CHRM3: variants seen among roughly 807,000 people sequenced by gnomAD.
The protein encoded by CHRM3 is cholinergic receptor muscarinic 3, also known as muscarinic acetylcholine receptor M3.
CHRM3 carries 11 observed loss-of-function variants against 41.8 expected under a neutral mutation model. That is an observed-to-expected ratio of 0.26 (90% confidence interval 0.17 to 0.44). The LOEUF is 0.44. Ranked by LOEUF, CHRM3 falls within the 20% of genes least tolerant of loss-of-function variation. The pLI is 1.00. For synonymous variants in CHRM3, 297 were observed against 301.4 expected, an observed-to-expected ratio of 0.99 and a Z score of 0.15; for missense variants, 571 against 745.4, an observed-to-expected ratio of 0.77 and a Z score of 2.72.
chr1:239,777,605 TG>T (rs1355424022), intron 5 of CHRM3, among the ~76,000 whole-genome samples: 1 of 151,938 alleles, frequency 6.6e-6, no homozygotes, highest in African/African-American at 2.4e-5. Flanking sequence ...GAATTTGAGG[TG>T]GGGGGTGCAG....
intron 4 of CHRM3, among the ~76,000 whole-genome samples, chr1:239,654,983 A>T (rs2148985177): frequency 6.6e-6 from 1 of 152,338 alleles, no homozygotes; most frequent in Admixed American, 6.5e-5. Flanking sequence ...AATAAAAATA[A>T]TTCATCTGCT....
chr1:239,556,091 T>C (rs887045937), intron 3 of CHRM3, among the ~76,000 whole-genome samples: 4 of 152,234 alleles, frequency 2.6e-5, no homozygotes, highest in African/African-American at 9.6e-5. Flanking sequence ...CAATTCTTGC[T>C]GGAGGAAATG....
At chr1:239,642,524 C>T (rs994307262) in intron 4 of CHRM3, among the ~76,000 whole-genome samples, 1 of 152,090 alleles carries the variant, frequency 6.6e-6, no homozygotes, top group African/African-American at 2.4e-5. Context: ...TTTCATCTTC[C>T]ATCACTGATA....
At chr1:239,549,660 A>T (rs1659629400) in intron 3 of CHRM3, among the ~76,000 whole-genome samples, 1 of 122,652 alleles carries the variant, frequency 8.2e-6, no homozygotes, top group African/African-American at 3.8e-5. Flanking sequence ...GACTCCATCT[A>T]AAAAAAAAAA....
intron 2 of CHRM3, among the ~76,000 whole-genome samples, chr1:239,520,344 T>C (rs1173729154): frequency 6.6e-6 from 1 of 152,144 alleles, no homozygotes. Context: ...TGGTGGGAGA[T>C]GATCGGATCG....
At chr1:239,754,001 T>G (rs1455582992) in intron 5 of CHRM3, among the ~76,000 whole-genome samples, 1 of 152,182 alleles carries the variant, frequency 6.6e-6, no homozygotes, top group Non-Finnish European at 1.5e-5. Context: ...CTATGTTCAT[T>G]CATTTAGTTG....
intron 6 of CHRM3, among the ~76,000 whole-genome samples, chr1:239,830,975 C>T (rs529800689): frequency 9.2e-5 from 14 of 151,756 alleles, no homozygotes; most frequent in Admixed American, 3.9e-4. Context: ...TTTCAAAATT[C>T]GCTTTGTTTG....
intron 3 of CHRM3, among the ~76,000 whole-genome samples, chr1:239,556,250 C>G (rs925649699): frequency 6.6e-6 from 1 of 152,018 alleles, no homozygotes; most frequent in Non-Finnish European, 1.5e-5. Context: ...ATTTTCTTGC[C>G]ATTGATGTAA....
chr1:239,725,740 C>T (rs917788990), intron 5 of CHRM3, among the ~76,000 whole-genome samples: 3 of 151,860 alleles, frequency 2.0e-5, no homozygotes, highest in Admixed American at 6.6e-5. Context: ...TTTGCCCTGA[C>T]GTCTGTCTGG....
chr1:239,432,962 C>T (rs1420567584), intron 1 of CHRM3, among the ~76,000 whole-genome samples: 2 of 152,154 alleles, frequency 1.3e-5, no homozygotes, highest in African/African-American at 2.4e-5. Context: ...TGAGATAACA[C>T]ATTTCCAGTC....
At chr1:239,847,663 C>T (rs1428280405) in intron 6 of CHRM3, among the ~76,000 whole-genome samples, 1 of 151,986 alleles carries the variant, frequency 6.6e-6, no homozygotes, top group African/African-American at 2.4e-5. Context: ...CCATGAGTTC[C>T]AGGCCAGCCT....
At chr1:239,524,045 ACATTTCTC>A (rs1669831222) in intron 2 of CHRM3, among the ~76,000 whole-genome samples, 2 of 152,294 alleles carry the variant, frequency 1.3e-5, no homozygotes, top group African/African-American at 4.8e-5. Context: ...ATTTAATACC[ACATTTCTC>A]AGCTTTAAAG....
At chr1:239,822,999 A>G (rs989001871) in intron 5 of CHRM3, among the ~76,000 whole-genome samples, 2 of 152,204 alleles carry the variant, frequency 1.3e-5, no homozygotes, top group African/African-American at 4.8e-5. Context: ...AAAGAAAGAA[A>G]GACGTTAATA....
At position 239,908,104 on chromosome 1, in the gene CHRM3, C is replaced by A; in HGVS notation, c.653C>A (p.Pro218Gln). 1 of 1,614,178 alleles carries A rather than the reference C, an allele frequency of 6.2e-7. No homozygotes were observed. The highest frequency in any genetic ancestry group is 8.5e-7 in the Non-Finnish European group (1 of 1,180,038). The stretch of plus-strand genomic sequence containing the variant: ...TTTGTTGGAAAGAGAACTGTGCCTC[C>A]GGGAGAGTGCTTCATTCAGTTCCTC... ...QYFVGKRTVP[P>Q]GECFIQFLSE... The change falls in exon 7 of 7, where the codon CCG becomes CAG. Residue 218 changes from proline (P) to glutamine (Q), a missense_variant. By Grantham distance (76) the Pro-to-Gln change is moderately conservative. Coordinates refer to ENST00000676153, the MANE Select transcript of CHRM3 (RefSeq NM_001375978.1). This position sits in a 1 kb window ranked among gnomAD's most constrained non-coding sequence, Gnocchi z 7.2.
chr1:239,407,993 G>A (rs1473411145), intron 1 of CHRM3, among the ~76,000 whole-genome samples: 1 of 152,094 alleles, frequency 6.6e-6, no homozygotes, highest in Non-Finnish European at 1.5e-5. Context: ...ATAGGCAATT[G>A]ATATGGTTTG....
At chr1:239,515,686 A>G (rs1669221412) in intron 2 of CHRM3, among the ~76,000 whole-genome samples, 1 of 152,226 alleles carries the variant, frequency 6.6e-6, no homozygotes, top group Non-Finnish European at 1.5e-5. Context: ...CCTGTTTTTC[A>G]GCAGGCAGAA....
chr1:239,780,248 C>A (rs2148795101), intron 5 of CHRM3, among the ~76,000 whole-genome samples: 1 of 152,260 alleles, frequency 6.6e-6, no homozygotes, highest in Non-Finnish European at 1.5e-5. Flanking sequence ...TTCCTGTTGG[C>A]AATAAATTAA....
At chr1:239,848,696 G>A (rs1264468404) in intron 6 of CHRM3, among the ~76,000 whole-genome samples, 2 of 152,056 alleles carry the variant, frequency 1.3e-5, no homozygotes, top group Admixed American at 6.6e-5. Context: ...AAAAGAGACT[G>A]TTCATTTATT....
At chr1:239,806,695 A>G (rs1246782279) in intron 5 of CHRM3, among the ~76,000 whole-genome samples, 1 of 152,246 alleles carries the variant, frequency 6.6e-6, no homozygotes, top group Non-Finnish European at 1.5e-5. Flanking sequence ...TAGATATTGT[A>G]GAAAACATAC....
Sources: gnomAD v4.1 joint callset for allele counts (sites outside exome capture counted in the v4.1 genomes callset) on GRCh38, gnomAD v4.1.1 for gene constraint, Gnocchi (gnomAD v3.1) non-coding constraint, MANE v1.5 for transcripts, NCBI Gene and HGNC (gene_info 2026-07-23, HGNC 2026-07-21) for gene names.